Variants in PPARGC1A observed in about 807,000 individuals in gnomAD.
PPARGC1A encodes the protein PPARG coactivator 1 alpha.
In PPARGC1A, 25 loss-of-function variants were observed where a neutral mutation model predicts 88.7. That is an observed-to-expected ratio of 0.28 (90% CI 0.21 to 0.39). The LOEUF is 0.39. Among genes scored for constraint, PPARGC1A ranks in the 10% least tolerant of loss-of-function variants. The probability of loss-of-function intolerance (pLI) is 1.00; values close to 1 mark genes in which losing one functional copy is unlikely to be tolerated. For synonymous variants in PPARGC1A, 363 were observed against 355.6 expected (o/e 1.02, Z -0.24); for missense variants, 880 against 968.7 (o/e 0.91, Z 1.22).
chr4:23,987,993 A>T, the PPARGC1A span, among the ~76,000 whole-genome samples: 1 of 134,156 alleles, frequency 7.5e-6, no homozygotes, highest in Non-Finnish European at 1.6e-5. Context: ...CCCTGTGTCC[A>T]TGTGTTCTCA....
chr4:23,888,239 A>G (rs1717245701), intron 1 of PPARGC1A, among the ~76,000 whole-genome samples: 1 of 152,340 alleles, frequency 6.6e-6, no homozygotes, highest in Middle Eastern at 3.4e-3. Context: ...TGGCGACTCT[A>G]TCCATGGCTG....
At chr4:24,294,474 C>T in the PPARGC1A span, among the ~76,000 whole-genome samples, 892 of 152,108 alleles carry the variant, frequency 5.9e-3, 5 homozygotes, top group South Asian at 9.3e-3. Flanking sequence ...ACAAATTATC[C>T]TTTTTCTGAA....
chr4:24,118,006 C>A, the PPARGC1A span, among the ~76,000 whole-genome samples: 3 of 152,260 alleles, frequency 2.0e-5, no homozygotes, highest in Non-Finnish European at 4.4e-5. Context: ...GTTAGGCCAA[C>A]CCATCATTCA....
chr4:24,197,070 C>G, the PPARGC1A span, among the ~76,000 whole-genome samples: 1 of 152,240 alleles, frequency 6.6e-6, no homozygotes, highest in East Asian at 1.9e-4. Context: ...ATGGAAATTG[C>G]CAGTTAGAAA....
At position 23,794,041 on chromosome 4, in the gene PPARGC1A, T is replaced by C. The variant is rs1280680843; in HGVS notation, c.*1781A>G. ...AAAATACAGATAAATACCATCGTCATACTCTGCCAAGGGAAAGAAATACTG... is the reference window on the plus strand; with the variant it reads ...AAAATACAGATAAATACCATCGTCACACTCTGCCAAGGGAAAGAAATACTG... On this transcript the variant is annotated 3_prime_UTR_variant, in exon 13 of 13. Coordinates refer to ENST00000264867, the MANE Select transcript of PPARGC1A (RefSeq NM_013261.5). 6.6e-6 allele frequency: 1 copy of C among 152,612 alleles called. No homozygotes were observed. The highest frequency in any genetic ancestry group is 1.9e-4 in the East Asian group (1 of 5,196). The allele number at this position is 152,612 out of a possible 1,614,324, so 9.5% of individuals were successfully genotyped here. A position where few individuals can be genotyped will look rare whatever the true frequency, so the allele number is the denominator to read the frequency against.
the PPARGC1A span, among the ~76,000 whole-genome samples, chr4:24,403,510 A>C: frequency 6.6e-6 from 1 of 152,242 alleles, no homozygotes; most frequent in East Asian, 1.9e-4. Flanking sequence ...AAGGCCACCC[A>C]GCACAGCATT....
the PPARGC1A span, among the ~76,000 whole-genome samples, chr4:24,161,985 C>T: frequency 5.1e-3 from 769 of 151,072 alleles, 29 homozygotes; most frequent in East Asian, 0.094. Context: ...CACACACACA[C>T]ACACACACAC....
At chr4:23,995,915 G>A in the PPARGC1A span, among the ~76,000 whole-genome samples, 9 of 152,142 alleles carry the variant, frequency 5.9e-5, no homozygotes, top group Non-Finnish European at 8.8e-5. Context: ...AACACAGAAT[G>A]CTTCAGAAGA....
intron 1 of PPARGC1A, among the ~76,000 whole-genome samples, chr4:23,888,059 T>A (rs774935871): frequency 2.0e-5 from 3 of 152,224 alleles, no homozygotes; most frequent in Non-Finnish European, 2.9e-5. Context: ...CGTTTTAGGA[T>A]GACAGCAAAC....
At chr4:23,993,552 C>A in the PPARGC1A span, among the ~76,000 whole-genome samples, 1 of 152,128 alleles carries the variant, frequency 6.6e-6, no homozygotes, top group Non-Finnish European at 1.5e-5. Context: ...ATATTCTGTT[C>A]ATAGTTTCAC....
chr4:24,344,288 T>A, the PPARGC1A span, among the ~76,000 whole-genome samples: 4 of 152,214 alleles, frequency 2.6e-5, no homozygotes, highest in African/African-American at 4.8e-5. Context: ...CTGGATCAAA[T>A]GGTAGTTCTA....
the PPARGC1A span, among the ~76,000 whole-genome samples, chr4:24,066,849 G>GTTTTTTTTTTTTTTTTTTTTTTTTGTT: frequency 9.9e-6 from 1 of 100,880 alleles, no homozygotes; most frequent in Non-Finnish European, 1.9e-5. Flanking sequence ...TTTGTTTTGG[G>GTTTTTTTTTTTTTTTTTTTTTTTTGTT]TTTTTTTTTT....
chr4:24,333,220 G>T, the PPARGC1A span, among the ~76,000 whole-genome samples: 1 of 151,800 alleles, frequency 6.6e-6, no homozygotes, highest in South Asian at 2.1e-4. Context: ...CTCCAGCCTG[G>T]GCAACAGAGC....
the PPARGC1A span, among the ~76,000 whole-genome samples, chr4:24,169,635 C>T: frequency 5.3e-5 from 8 of 152,148 alleles, no homozygotes; most frequent in South Asian, 1.0e-3. Flanking sequence ...TTTGGGATGC[C>T]GAGGTGGGTG....
At chr4:24,145,040 C>G in the PPARGC1A span, among the ~76,000 whole-genome samples, 1 of 150,578 alleles carries the variant, frequency 6.6e-6, no homozygotes, top group Non-Finnish European at 1.5e-5. Context: ...TCTGCAGTTT[C>G]AAGCACATCT....
chr4:24,151,235 A>C, the PPARGC1A span, among the ~76,000 whole-genome samples: 1 of 152,176 alleles, frequency 6.6e-6, no homozygotes, highest in African/African-American at 2.4e-5. Context: ...TGGGTGGCCT[A>C]AACAACAGAA....
chr4:24,048,281 C>T, the PPARGC1A span, among the ~76,000 whole-genome samples: 2 of 152,248 alleles, frequency 1.3e-5, no homozygotes, highest in East Asian at 1.9e-4. Context: ...TACACAGGCA[C>T]ACACTCCACA....
At chr4:24,110,188 C>A in the PPARGC1A span, among the ~76,000 whole-genome samples, 1 of 152,172 alleles carries the variant, frequency 6.6e-6, no homozygotes, top group Non-Finnish European at 1.5e-5. Context: ...TCTACCCTAC[C>A]CATTTCGAGC....
the PPARGC1A span, among the ~76,000 whole-genome samples, chr4:24,029,538 C>T: frequency 0.013 from 2,049 of 152,218 alleles, 34 homozygotes; most frequent in South Asian, 0.089. Context: ...ATCTCGGAGC[C>T]TTGATTTCCC....
Sources: gnomAD v4.1 joint callset for allele counts (sites outside exome capture counted in the v4.1 genomes callset) on GRCh38, gnomAD v4.1.1 for gene constraint, MANE v1.5 for transcripts, NCBI Gene and HGNC (gene_info 2026-07-23, HGNC 2026-07-21) for gene names.